Variants in TENM2 observed in about 807,000 individuals in gnomAD.
TENM2 encodes teneurin transmembrane protein 2.
In TENM2, 52 loss-of-function variants were observed where a neutral mutation model predicts 245.2. The ratio of observed to expected loss-of-function variants is 0.21; its 90% CI spans 0.17 to 0.27. The LOEUF is 0.27. Among genes scored for constraint, TENM2 ranks in the 10% least tolerant of loss-of-function variants. The pLI is 1.00. For synonymous variants in TENM2, 1,363 were observed against 1,438.9 expected, an observed-to-expected ratio of 0.95 and a Z score of 1.19; for missense variants, 3,046 against 3,666.8, an observed-to-expected ratio of 0.83 and a Z score of 4.37.
chr5:168,164,359 T>C (rs986300131), intron 13 of TENM2, among the ~76,000 whole-genome samples: 2 of 152,136 alleles, frequency 1.3e-5, no homozygotes, highest in South Asian at 2.1e-4. Context: ...ATAGATACTA[T>C]GCTATGTGTA....
chr5:168,098,470 G>A (rs867461719), intron 9 of TENM2, among the ~76,000 whole-genome samples: 5 of 152,098 alleles, frequency 3.3e-5, no homozygotes, highest in Middle Eastern at 6.8e-3. Flanking sequence ...GGAAGATTAA[G>A]CATCTCAGGG....
intron 2 of TENM2, among the ~76,000 whole-genome samples, chr5:167,864,567 A>C (rs771168928): frequency 1.4e-4 from 21 of 152,226 alleles, no homozygotes; most frequent in Non-Finnish European, 1.5e-4. Flanking sequence ...TGGCAGAATC[A>C]ATATTTGACA....
At chr5:167,137,374 A>G in the TENM2 span, among the ~76,000 whole-genome samples, 1 of 152,246 alleles carries the variant, frequency 6.6e-6, no homozygotes, top group African/African-American at 2.4e-5. Context: ...AAGAAATTTT[A>G]TATCAGCACT....
the TENM2 span, among the ~76,000 whole-genome samples, chr5:167,120,735 A>G: frequency 6.6e-6 from 1 of 152,224 alleles, no homozygotes; most frequent in African/African-American, 2.4e-5. Context: ...GATCCTGAAA[A>G]GGCCACTAGA....
At chr5:168,254,192 A>G (rs1386982774) in intron 27 of TENM2, among the ~76,000 whole-genome samples, 1 of 152,256 alleles carries the variant, frequency 6.6e-6, no homozygotes, top group Non-Finnish European at 1.5e-5. Context: ...TGAGAAGAGG[A>G]GAGTCATGAG....
intron 2 of TENM2, among the ~76,000 whole-genome samples, chr5:167,478,773 C>T (rs779283168): frequency 2.6e-5 from 4 of 152,144 alleles, no homozygotes; most frequent in Admixed American, 6.6e-5. Context: ...CTTCCTCTCT[C>T]GCTTTTATGA....
chr5:168,146,901 G>T (rs2152415707), intron 12 of TENM2, among the ~76,000 whole-genome samples: 1 of 152,344 alleles, frequency 6.6e-6, no homozygotes, highest in Non-Finnish European at 1.5e-5. Context: ...GTCCAGCAAT[G>T]AAATCAGAGA....
chr5:167,863,795 C>T (rs185117568), intron 2 of TENM2, among the ~76,000 whole-genome samples: 1 of 152,340 alleles, frequency 6.6e-6, no homozygotes, highest in Admixed American at 6.5e-5. Flanking sequence ...GAACCCTGAT[C>T]TCCTAACTCC....
chr5:167,316,283 T>A (rs1244910518), intron 1 of TENM2, among the ~76,000 whole-genome samples: 2 of 152,288 alleles, frequency 1.3e-5, no homozygotes, highest in East Asian at 3.9e-4. Context: ...AGTGAGAGAA[T>A]GAATGAATGA....
intron 2 of TENM2, among the ~76,000 whole-genome samples, chr5:167,872,530 AAGAAAGAAAGAAAGAAAGAG>A (rs1561881429): frequency 3.5e-4 from 18 of 51,302 alleles, no homozygotes; most frequent in South Asian, 7.6e-4. Flanking sequence ...GAAAGAAAGA[AAGAAAGAAAGAAAGAAAGAG>A]AAAGAAAGAA....
intron 2 of TENM2, among the ~76,000 whole-genome samples, chr5:167,759,876 C>T (rs1762546967): frequency 6.9e-6 from 1 of 145,662 alleles, no homozygotes; most frequent in Admixed American, 7.1e-5. Flanking sequence ...ATTTCTTTAG[C>T]TCCGAAGTGT....
At position 168,027,381 on chromosome 5, in the gene TENM2, A is replaced by G. The variant is rs73803839; in HGVS notation, c.1187-20046A>G. ...CCCTAGAATGGCTTTTTGTTTCTCT[A>G]ACACTGTCAGATAATTCACACAGGA... is the stretch of plus-strand genomic sequence containing the variant. On this transcript the variant is annotated intron_variant, in intron 5 of 28. Coordinates refer to ENST00000518659, the Ensembl canonical transcript of TENM2. 1.6e-3 allele frequency among the ~76,000 whole-genome samples: 250 copies of G among 152,308 alleles called. 1 individual carries two copies. The highest frequency in any genetic ancestry group is 5.6e-3 in the African/African-American group (234 of 41,568).
intron 2 of TENM2, among the ~76,000 whole-genome samples, chr5:167,569,610 A>C (rs1372226018): frequency 6.6e-6 from 1 of 152,170 alleles, no homozygotes; most frequent in Non-Finnish European, 1.5e-5. Context: ...GTTGTCTGTA[A>C]AATGGTTCCA....
chr5:167,896,867 T>G (rs897738690), intron 3 of TENM2, among the ~76,000 whole-genome samples: 2 of 152,210 alleles, frequency 1.3e-5, no homozygotes, highest in Non-Finnish European at 1.5e-5. Flanking sequence ...AGAGAGGAAT[T>G]GCCTTTAGAA....
chr5:167,179,038 A>G, the TENM2 span, among the ~76,000 whole-genome samples: 5 of 152,188 alleles, frequency 3.3e-5, no homozygotes, highest in Non-Finnish European at 5.9e-5. Flanking sequence ...AGACAAATGG[A>G]TTGATTTCAC....
intron 2 of TENM2, among the ~76,000 whole-genome samples, chr5:167,507,413 G>A (rs185004013): frequency 1.3e-4 from 20 of 152,200 alleles, no homozygotes; most frequent in Non-Finnish European, 2.4e-4. Flanking sequence ...AAAATGCCAC[G>A]CAATCTAGCA....
intron 1 of TENM2, chr5:167,294,297 A>C (rs949773157): frequency 1.3e-5 from 2 of 152,188 alleles, no homozygotes; most frequent in East Asian, 3.9e-4. Flanking sequence ...GCAGATGTCT[A>C]ATAGGCTGTG....
chr5:168,001,367 T>C (rs1784410637), intron 5 of TENM2, among the ~76,000 whole-genome samples: 1 of 152,232 alleles, frequency 6.6e-6, no homozygotes, highest in Admixed American at 6.5e-5. Flanking sequence ...AAGGCCATCA[T>C]TTGGCACTGA....
At chr5:167,992,686 C>T (rs768388456) in intron 4 of TENM2, among the ~76,000 whole-genome samples, 4 of 152,102 alleles carry the variant, frequency 2.6e-5, no homozygotes, top group Non-Finnish European at 5.9e-5. Context: ...ATTCAGTTTC[C>T]ATATTTGCTT....
Sources: allele counts gnomAD v4.1 joint callset (sites outside exome capture counted in the v4.1 genomes callset), GRCh38; gene constraint gnomAD v4.1.1; transcripts MANE v1.5; gene names NCBI Gene and HGNC (gene_info 2026-07-23, HGNC 2026-07-21).